The following IFT88 variants were observed in gnomAD, a reference collection of about 807,000 sequenced individuals.
IFT88 encodes intraflagellar transport 88, also known as intraflagellar transport protein 88 homolog.
In IFT88, 74 loss-of-function variants were observed where a neutral mutation model predicts 119.5. The observed-to-expected ratio is 0.62, with a 90% CI of 0.51 to 0.75. IFT88 has a LOEUF of 0.75. Ranked by LOEUF, IFT88 falls within the 30% of genes least tolerant of loss-of-function variation. IFT88 has a pLI of 0.00. For missense variants in IFT88, 961 were observed against 977.7 expected (o/e 0.98, Z 0.23); for synonymous variants, 279 against 316.7 (o/e 0.88, Z 1.26).
intron 23 of IFT88, among the ~76,000 whole-genome samples, chr13:20,667,266 TG>T (rs1404581916): frequency 1.3e-5 from 2 of 152,226 alleles, no homozygotes; most frequent in African/African-American, 4.8e-5. Flanking sequence ...CTGAAAAGTG[TG>T]TCTCCTACTT....
At chr13:20,627,717 C>T (rs935861948) in intron 15 of IFT88, among the ~76,000 whole-genome samples, 2 of 104,318 alleles carry the variant, frequency 1.9e-5, no homozygotes, top group Non-Finnish European at 1.7e-5. Flanking sequence ...AGTGACAGAG[C>T]GAGACTTCAT....
At chr13:20,674,702 TTATATA>T (rs1177876016) in intron 24 of IFT88, among the ~76,000 whole-genome samples, 15 of 90,630 alleles carry the variant, frequency 1.7e-4, no homozygotes, top group African/African-American at 6.3e-4. Context: ...AACTGAAGTT[TTATATA>T]TATATATATA....
chr13:20,601,316 A>G (rs1418825614), intron 11 of IFT88, among the ~76,000 whole-genome samples: 2 of 151,854 alleles, frequency 1.3e-5, no homozygotes, highest in African/African-American at 4.8e-5. Context: ...CAGTGAGCAG[A>G]CATCATGCCA....
chr13:20,678,531 G>A (rs1296254429), intron 24 of IFT88, among the ~76,000 whole-genome samples: 1 of 152,256 alleles, frequency 6.6e-6, no homozygotes. Flanking sequence ...AAAGCATGTT[G>A]TTAAGGCACA....
At chr13:20,622,188 C>T (rs2046650047) in intron 14 of IFT88, among the ~76,000 whole-genome samples, 1 of 152,116 alleles carries the variant, frequency 6.6e-6, no homozygotes. Flanking sequence ...CATATTATGT[C>T]TGTGCTCAAA....
chr13:20,630,873 A>G (rs1399142815), intron 15 of IFT88, 143 bp from the exon 16 acceptor site: 4 of 492,616 alleles, frequency 8.1e-6, no homozygotes, highest in Non-Finnish European at 1.5e-5. Context: ...TCTTCTTGTA[A>G]TCTGTTTTCT....
intron 15 of IFT88, among the ~76,000 whole-genome samples, chr13:20,630,380 T>C (rs1286827958): frequency 6.6e-6 from 1 of 152,156 alleles, no homozygotes; most frequent in Non-Finnish European, 1.5e-5. Flanking sequence ...TTGTTCTCTG[T>C]CAAAGAATGG....
chr13:20,570,526 A>G (rs2036124168), intron 1 of IFT88, among the ~76,000 whole-genome samples: 1 of 152,250 alleles, frequency 6.6e-6, no homozygotes. Flanking sequence ...GTATTTAGCC[A>G]TAAAAAGTAA....
In IFT88 at chr13:20,607,600, T is replaced by A. The variant is rs1018326797; in HGVS notation, c.1112+2495T>A. ...TTGCGGATCCACCATCTCCCGCTGC[T>A]CAACATCTTGGGCTGCCACGCTGTT... On this transcript the variant is annotated intron_variant, in intron 13 of 25. Coordinates refer to ENST00000351808, the MANE Select transcript of IFT88 (RefSeq NM_006531.5). 7.9e-6 allele frequency: 6 copies of A among 758,188 alleles called. No individual in the cohort carries two copies. In the African/African-American group the frequency reaches 1.0e-4, roughly 13 times the overall value. 47.0% of individuals were successfully genotyped at this position (758,188 alleles called of 1,614,324 possible).
chr13:20,576,419 T>C (rs1168655432), intron 2 of IFT88, among the ~76,000 whole-genome samples: 1 of 152,192 alleles, frequency 6.6e-6, no homozygotes. Context: ...GCTTGTGGGG[T>C]ATTACTCAAT....
intron 19 of IFT88, 54 bp downstream of exon 19, chr13:20,643,659 T>TAAAATTCATAAAATTTTATATA: frequency 2.3e-6 from 3 of 1,281,836 alleles, no homozygotes; most frequent in Non-Finnish European, 1.1e-6. Flanking sequence ...TGAATTGTTA[T>TAAAATTCATAAAATTTTATATA]AAAGAAGGCA....
chr13:20,587,661 T>G (rs1310618605), intron 3 of IFT88, among the ~76,000 whole-genome samples: 1 of 152,198 alleles, frequency 6.6e-6, no homozygotes, highest in Non-Finnish European at 1.5e-5. Context: ...AGCAAAGATA[T>G]TTAGAATTGC....
intron 12 of IFT88, 55 bp downstream of exon 12, chr13:20,601,988 G>A (rs987546456): frequency 2.0e-6 from 2 of 1,021,940 alleles, no homozygotes; most frequent in Non-Finnish European, 2.9e-6. Flanking sequence ...GTGCTTTTCT[G>A]TTTTCAGAAT....
At chr13:20,630,702 C>G (rs1039510271) in intron 15 of IFT88, among the ~76,000 whole-genome samples, 1 of 152,136 alleles carries the variant, frequency 6.6e-6, no homozygotes, top group Admixed American at 6.6e-5. Flanking sequence ...CCCAGCCTTC[C>G]AAGGCTCATT....
At chr13:20,618,645 T>G (rs767169645) in intron 14 of IFT88, among the ~76,000 whole-genome samples, 3 of 152,108 alleles carry the variant, frequency 2.0e-5, no homozygotes, top group Non-Finnish European at 4.4e-5. Flanking sequence ...AGAGATTCAG[T>G]TGGTCTTAAA....
intron 7 of IFT88, 49 bp from the exon 8 acceptor site, chr13:20,596,101 T>C: frequency 1.7e-6 from 1 of 574,420 alleles, no homozygotes; most frequent in Non-Finnish European, 2.9e-6. Context: ...TTAGTATAGA[T>C]TTTTAGAGGT....
At chr13:20,669,485 G>A (rs1804978867) in intron 23 of IFT88, among the ~76,000 whole-genome samples, 1 of 150,302 alleles carries the variant, frequency 6.7e-6, no homozygotes, top group Non-Finnish European at 1.5e-5. Flanking sequence ...ATACAATGGT[G>A]TGATCTCGGC....
At position 20,601,806 on chromosome 13, in the gene IFT88, T is replaced by A. The variant is rs1390692168; in HGVS notation, c.914T>A (p.Leu305Gln). The stretch of plus-strand genomic sequence containing the variant: ...CACATAATGAGCATGGCACCAAATC[T>A]GAAGGCAGGCTACAACCTAACTATC... ...YEHIMSMAPN[L>Q]KAGYNLTICY... The change falls in exon 12 of 26, where the codon CTG becomes CAG. Residue 305 changes from leucine to glutamine, a missense_variant. Transcript: ENST00000351808. The A allele has an allele frequency of 1.2e-6, 2 of 1,613,408 alleles. No homozygotes were observed. Among genetic ancestry groups the A allele is most frequent in the African/African-American group, 1.3e-5 (1 of 74,918 alleles).
intron 18 of IFT88, chr13:20,641,842 A>T (rs1340913956): frequency 6.5e-6 from 1 of 154,764 alleles, no homozygotes; most frequent in Non-Finnish European, 1.4e-5. Flanking sequence ...TGTAGATATA[A>T]TGAGGTCTCC....
Sources: gnomAD v4.1 joint callset for allele counts (sites outside exome capture counted in the v4.1 genomes callset) on GRCh38, gnomAD v4.1.1 for gene constraint, MANE v1.5 for transcripts, NCBI Gene and HGNC (gene_info 2026-07-23, HGNC 2026-07-21) for gene names.